Variants in RNF43 observed in about 807,000 individuals in gnomAD.
RNF43 encodes the protein E3 ubiquitin-protein ligase RNF43.
A neutral mutation model predicts 78.4 loss-of-function variants in RNF43; 37 were observed. The observed-to-expected ratio is 0.47, with a 90% CI of 0.36 to 0.62. The LOEUF is 0.62. RNF43 is among the 20% of genes least tolerant of loss of function. The probability of loss-of-function intolerance (pLI) is 0.00; values close to 1 mark genes in which losing one functional copy is unlikely to be tolerated. For missense variants in RNF43, 774 were observed against 1,007.9 expected (o/e 0.77, Z 3.14); for synonymous variants, 347 against 395.0 (o/e 0.88, Z 1.44).
intron 3 of RNF43, among the ~76,000 whole-genome samples, chr17:58,366,250 A>C (rs903407166): frequency 3.9e-4 from 60 of 152,310 alleles, no homozygotes; most frequent in Non-Finnish European, 1.0e-4. Context: ...ACCAACACAC[A>C]TACACACAAT....
At chr17:58,363,232 A>C in intron 5 of RNF43, 43 bp downstream of exon 5, 12 of 1,606,334 alleles carry the variant, frequency 7.5e-6, no homozygotes, top group Non-Finnish European at 1.0e-5. Context: ...AGGACAAAGT[A>C]GGGCTAAGTG....
Position 58,358,792 on chromosome 17 carries a change from G to A in RNF43, c.984C>T (p.Pro328=), listed in dbSNP as rs931185036. 12 of 1,535,748 alleles carry A rather than the reference G, an allele frequency of 7.8e-6. No individual in the cohort carries two copies. In the African/African-American group the frequency reaches 1.2e-4, roughly 16 times the overall value. Residue 328 remains proline, a synonymous_variant, in exon 9 of 10, where the codon CCC becomes CCT. Coordinates refer to ENST00000407977, the MANE Select transcript of RNF43 (RefSeq NM_017763.6). The surrounding 1 kb of genome is among the most constrained non-coding windows in gnomAD (Gnocchi z 6.2). ...EGDSFSQSLG[P]SRSYQEPGRR... ...GACCTGGTTCTTGGTAAGATCGAGA[G>A]GGTCCCAGGGACTGGGAAAATGAAT...
downstream of RNF43, chr17:58,353,488 T>G (rs1972610324): frequency 5.0e-6 from 1 of 200,944 alleles, no homozygotes; most frequent in Non-Finnish European, 1.0e-5. Context: ...CTGATCTCAC[T>G]AAGCCACACT....
intron 3 of RNF43, among the ~76,000 whole-genome samples, chr17:58,370,343 T>C (rs1202754258): frequency 6.6e-6 from 1 of 152,068 alleles, no homozygotes; most frequent in African/African-American, 2.4e-5. Context: ...GCTGGGATTA[T>C]AGGCGTGCGC....
rs746548389 is a variant in RNF43, at chr17:58,358,484, C to A, written c.1292G>T (p.Cys431Phe). Reference protein sequence around the residue: ...LQSTSQHPAACPVPLRRARPP... With the variant: ...LQSTSQHPAAFPVPLRRARPP... ...CCTGGCCCGGCGTAGGGGCACTGGG[C>A]AAGCAGCAGGGTGCTGTGAGGTGGA... Residue 431 changes from cysteine to phenylalanine, a missense_variant, in exon 9 of 10, where the codon TGC becomes TTC. Transcript: ENST00000407977. The surrounding 1 kb of genome is among the most constrained non-coding windows in gnomAD (Gnocchi z 6.2). 2 of 1,613,830 alleles carry A rather than the reference C, an allele frequency of 1.2e-6. No homozygotes were observed. Among genetic ancestry groups the A allele is most frequent in the African/African-American group, 2.7e-5 (2 of 74,936 alleles).
At chr17:58,388,820 A>G (rs1973487962) in intron 2 of RNF43, among the ~76,000 whole-genome samples, 1 of 152,238 alleles carries the variant, frequency 6.6e-6, no homozygotes, top group Admixed American at 6.5e-5. Context: ...TTCTGAGCTT[A>G]CTTGAGAAGA....
At chr17:58,396,772 A>G (rs1331949203) in intron 2 of RNF43, among the ~76,000 whole-genome samples, 1 of 152,206 alleles carries the variant, frequency 6.6e-6, no homozygotes, top group African/African-American at 2.4e-5. Context: ...TATGTATGGA[A>G]TACATCTATA....
intron 2 of RNF43, among the ~76,000 whole-genome samples, chr17:58,381,736 G>A (rs1973323244): frequency 6.6e-6 from 1 of 152,152 alleles, no homozygotes; most frequent in Non-Finnish European, 1.5e-5. Flanking sequence ...TATATAAATA[G>A]CCTTTTATGG....
chr17:58,401,824 A>C (rs1374602283), intron 2 of RNF43, among the ~76,000 whole-genome samples: 1 of 3,856 alleles, frequency 2.6e-4, no homozygotes, highest in Non-Finnish European at 3.6e-4. Flanking sequence ...TTCCTAGCAT[A>C]AAAAAAAAAA....
At chr17:58,405,814 A>G (rs1973901688) in intron 2 of RNF43, among the ~76,000 whole-genome samples, 1 of 152,234 alleles carries the variant, frequency 6.6e-6, no homozygotes, top group African/African-American at 2.4e-5. Flanking sequence ...GCCTACACCT[A>G]CATCTGGCAT....
intron 3 of RNF43, among the ~76,000 whole-genome samples, chr17:58,365,554 T>G (rs1362945136): frequency 6.6e-6 from 1 of 152,110 alleles, no homozygotes; most frequent in Non-Finnish European, 1.5e-5. Context: ...GTTGTAAAAG[T>G]GATCAAAGAG....
rs1189454692 is a variant in RNF43, at chr17:58,370,898, A to G, written c.375+13T>C. The G allele has an allele frequency of 1.3e-6, 2 of 1,583,842 alleles. No individual in the cohort carries two copies. Among genetic ancestry groups the G allele is most frequent in the Admixed American group, 3.5e-5 (2 of 57,946 alleles). The stretch of plus-strand genomic sequence containing the variant: ...GAAGCTCCGGGTGTGTGTAGGGCGA[A>G]GTGTGAGTCTACCTTGCTAGCCAGT... On this transcript the variant is annotated intron_variant, in intron 3 of 9. Coordinates refer to ENST00000407977, the MANE Select transcript of RNF43 (RefSeq NM_017763.6).
intron 2 of RNF43, among the ~76,000 whole-genome samples, chr17:58,378,464 C>T (rs1487206501): frequency 6.6e-6 from 1 of 151,966 alleles, no homozygotes; most frequent in East Asian, 1.9e-4. Context: ...ACCATATTGC[C>T]CAAGCTGGTC....
At chr17:58,415,213 G>A (rs1427377543) in intron 2 of RNF43, 113 bp downstream of exon 2, 2 of 1,095,272 alleles carry the variant, frequency 1.8e-6, no homozygotes, top group Non-Finnish European at 2.7e-6. Flanking sequence ...CTCTTTCTAT[G>A]AAATAGAAAG....
intron 3 of RNF43, among the ~76,000 whole-genome samples, chr17:58,367,157 C>A (rs561882676): frequency 1.3e-5 from 2 of 152,116 alleles, no homozygotes; most frequent in Admixed American, 6.5e-5. Context: ...CGTGCCACCA[C>A]GCCTGGCTAA....
intron 2 of RNF43, among the ~76,000 whole-genome samples, chr17:58,392,049 C>A (rs1305251090): frequency 1.3e-5 from 2 of 152,056 alleles, no homozygotes; most frequent in Non-Finnish European, 2.9e-5. Flanking sequence ...AGCAAGCAGC[C>A]CCTAAGACAG....
chr17:58,364,428 T>G (rs1235553866), intron 3 of RNF43, among the ~76,000 whole-genome samples: 1 of 151,970 alleles, frequency 6.6e-6, no homozygotes, highest in African/African-American at 2.4e-5. Context: ...GCAGAACAGA[T>G]AGCAGTGCCA....
chr17:58,405,654 G>T (rs1478080048), intron 2 of RNF43, among the ~76,000 whole-genome samples: 1 of 150,968 alleles, frequency 6.6e-6, no homozygotes, highest in South Asian at 2.1e-4. Context: ...ACTCCAGCCT[G>T]GGTGACAGAG....
chr17:58,375,667 G>C (rs760546453), intron 2 of RNF43, among the ~76,000 whole-genome samples: 1 of 152,176 alleles, frequency 6.6e-6, no homozygotes, highest in Non-Finnish European at 1.5e-5. Flanking sequence ...GGTTGCTCTG[G>C]GAGAGGAATT....
Sources: gnomAD v4.1 joint callset for allele counts (sites outside exome capture counted in the v4.1 genomes callset) on GRCh38, gnomAD v4.1.1 for gene constraint, Gnocchi (gnomAD v3.1) non-coding constraint, MANE v1.5 for transcripts, NCBI Gene and HGNC (gene_info 2026-07-23, HGNC 2026-07-21) for gene names.